The following PCDH9 variants were observed in gnomAD, a reference collection of about 807,000 sequenced individuals.
PCDH9 encodes the protein protocadherin-9.
Under a neutral mutation model 70.6 loss-of-function variants are expected in PCDH9, and 24 were observed. The ratio of observed to expected loss-of-function variants is 0.34; its 90% CI spans 0.25 to 0.48. PCDH9 has a LOEUF of 0.48. Among genes scored for constraint, PCDH9 ranks in the 20% least tolerant of loss-of-function variants. The pLI is 0.99. For missense variants in PCDH9, 1,281 were observed against 1,503.6 expected, an observed-to-expected ratio of 0.85 and a Z score of 2.45; for synonymous variants, 562 against 558.5, an observed-to-expected ratio of 1.01 and a Z score of -0.09.
At chr13:67,137,091 G>T (rs1330266429) in intron 2 of PCDH9, among the ~76,000 whole-genome samples, 2 of 151,886 alleles carry the variant, frequency 1.3e-5, no homozygotes, top group African/African-American at 4.8e-5. Context: ...CCTGCACATT[G>T]TGCACATGTA....
rs150571813 is a variant in PCDH9 at position 66,811,044 on chromosome 13, T to C, written c.3138+92460A>G. Among the ~76,000 whole-genome samples the C allele has an allele frequency of 7.2e-5, 11 of 152,276 alleles. No homozygotes were observed. In the East Asian group the frequency reaches 2.1e-3, roughly 29 times the overall value. On this transcript the variant is annotated intron_variant, in intron 3 of 4. Transcript: ENST00000377865. The stretch of plus-strand genomic sequence containing the variant: ...AGATTGAAAATTTATTGTAGTTTCA[T>C]TGAACATTATTTTAGCACAGGCATA...
At chr13:67,194,309 T>C (rs970832573) in intron 2 of PCDH9, among the ~76,000 whole-genome samples, 7 of 151,968 alleles carry the variant, frequency 4.6e-5, no homozygotes, top group Admixed American at 1.3e-4. Flanking sequence ...AATAAAACCA[T>C]AGGGGACAAA....
intron 2 of PCDH9, among the ~76,000 whole-genome samples, chr13:67,176,367 G>A (rs889829468): frequency 1.3e-5 from 2 of 151,826 alleles, no homozygotes; most frequent in African/African-American, 4.8e-5. Context: ...GATCTGCCTG[G>A]GTCTGTGCAC....
At chr13:66,802,689 CTATT>C (rs890532322) in intron 3 of PCDH9, among the ~76,000 whole-genome samples, 1 of 152,040 alleles carries the variant, frequency 6.6e-6, no homozygotes, top group Non-Finnish European at 1.5e-5. Flanking sequence ...AATTAAAAAA[CTATT>C]AATATTTGAT....
At chr13:66,821,525 C>G (rs1167003403) in intron 3 of PCDH9, among the ~76,000 whole-genome samples, 1 of 152,026 alleles carries the variant, frequency 6.6e-6, no homozygotes, top group Non-Finnish European at 1.5e-5. Context: ...AGTCAGTATT[C>G]ATAGAAAAAG....
chr13:66,775,973 AT>A (rs1308857662), intron 3 of PCDH9, among the ~76,000 whole-genome samples: 1 of 152,152 alleles, frequency 6.6e-6, no homozygotes, highest in Non-Finnish European at 1.5e-5. Context: ...TCCATCCACC[AT>A]GTTGGAGGCC....
At chr13:66,537,864 C>G (rs1960773756) in intron 4 of PCDH9, among the ~76,000 whole-genome samples, 1 of 152,014 alleles carries the variant, frequency 6.6e-6, no homozygotes, top group Admixed American at 6.6e-5. Flanking sequence ...ATCTTAAAAA[C>G]TATCTAGTAA....
chr13:66,423,063 A>T (rs1957597654), intron 4 of PCDH9, among the ~76,000 whole-genome samples: 1 of 152,112 alleles, frequency 6.6e-6, no homozygotes, highest in African/African-American at 2.4e-5. Context: ...TCTAGAAGAA[A>T]TGGATGAATG....
chr13:66,322,944 A>G (rs1955780776), intron 4 of PCDH9, among the ~76,000 whole-genome samples: 1 of 152,068 alleles, frequency 6.6e-6, no homozygotes, highest in South Asian at 2.1e-4. Context: ...ACTTAACAGA[A>G]AAATTCTTTC....
At chr13:67,211,687 A>T (rs1431275909) in intron 2 of PCDH9, 5 of 152,108 alleles carry the variant, frequency 3.3e-5, no homozygotes, top group Admixed American at 2.6e-4. Flanking sequence ...TATATATATA[A>T]AATAAAGGTC....
intron 2 of PCDH9, among the ~76,000 whole-genome samples, chr13:66,969,818 G>A (rs73211121): frequency 0.036 from 5,520 of 152,024 alleles, 141 homozygotes; most frequent in Non-Finnish European, 0.055. Context: ...ATATAAATCT[G>A]AAATGGGACA....
intron 3 of PCDH9, among the ~76,000 whole-genome samples, chr13:66,635,661 G>C (rs911912561): frequency 6.6e-6 from 1 of 151,992 alleles, no homozygotes; most frequent in Non-Finnish European, 1.5e-5. Context: ...TGTTCTTCAA[G>C]ACTCACTGAA....
At chr13:66,393,392 G>T (rs1201793693) in intron 4 of PCDH9, among the ~76,000 whole-genome samples, 2 of 152,176 alleles carry the variant, frequency 1.3e-5, no homozygotes, top group Admixed American at 6.5e-5. Flanking sequence ...AGCTGAGTTG[G>T]CACTGTTTCT....
chr13:66,596,458 G>A lies in PCDH9; in HGVS notation c.3340+34752C>T, dbSNP rs577249177. On this transcript the variant is annotated intron_variant, in intron 4 of 4. Transcript: ENST00000377865. ...CATATTCACACAAGTATATAAGAATGCATGTACATATATACACCCATATAT... is the reference window on the plus strand; with the variant it reads ...CATATTCACACAAGTATATAAGAATACATGTACATATATACACCCATATAT... 1.6e-4 allele frequency among the ~76,000 whole-genome samples: 24 copies of A among 151,754 alleles called. 3 individuals are homozygous for A. The South Asian group carries it at 5.0e-3, about 31-fold the overall frequency.
At chr13:66,500,457 G>A (rs1036146630) in intron 4 of PCDH9, among the ~76,000 whole-genome samples, 3 of 151,892 alleles carry the variant, frequency 2.0e-5, no homozygotes, top group African/African-American at 4.8e-5. Context: ...TTCTAAATAT[G>A]TAAGACCGGA....
chr13:66,961,600 C>A (rs1178973069), intron 2 of PCDH9, among the ~76,000 whole-genome samples: 2 of 152,070 alleles, frequency 1.3e-5, no homozygotes, highest in Non-Finnish European at 2.9e-5. Flanking sequence ...TTGAGACCAG[C>A]CTGAGCAACA....
intron 2 of PCDH9, among the ~76,000 whole-genome samples, chr13:67,174,103 A>G (rs2088373688): frequency 6.6e-6 from 1 of 152,164 alleles, no homozygotes; most frequent in Non-Finnish European, 1.5e-5. Flanking sequence ...TTGGCATAAA[A>G]CATTGATTGA....
chr13:66,802,123 GT>G (rs370175911), intron 3 of PCDH9, among the ~76,000 whole-genome samples: 4,497 of 148,444 alleles, frequency 0.03, 205 homozygotes, highest in African/African-American at 0.1. Flanking sequence ...TATTAATCAG[GT>G]TTTTTTTTTC....
chr13:67,170,276 G>C (rs2088242976), intron 2 of PCDH9, among the ~76,000 whole-genome samples: 1 of 152,168 alleles, frequency 6.6e-6, no homozygotes, highest in African/African-American at 2.4e-5. Context: ...TAAAGAAATG[G>C]CAGCTCATAT....
Sources: gnomAD v4.1 joint callset for allele counts (sites outside exome capture counted in the v4.1 genomes callset) on GRCh38, gnomAD v4.1.1 for gene constraint, MANE v1.5 for transcripts, NCBI Gene and HGNC (gene_info 2026-07-23, HGNC 2026-07-21) for gene names.